APBB2: variants seen among roughly 807,000 people sequenced by gnomAD.
The protein encoded by APBB2 is Fe65-like 1.
Under a neutral mutation model 82.5 loss-of-function variants are expected in APBB2, and 38 were observed. The ratio of observed to expected loss-of-function variants is 0.46; its 90% CI spans 0.36 to 0.60. The LOEUF is 0.60. APBB2 is among the 20% of genes least tolerant of loss of function. The pLI, the probability that APBB2 is intolerant of heterozygous loss-of-function variation, is 0.00. For synonymous variants in APBB2, 341 were observed against 368.2 expected (o/e 0.93, Z 0.85); for missense variants, 772 against 972.3 (o/e 0.79, Z 2.74).
chr4:41,132,243 A>T (rs1756234548), intron 2 of APBB2, among the ~76,000 whole-genome samples: 1 of 152,136 alleles, frequency 6.6e-6, no homozygotes, highest in African/African-American at 2.4e-5. Flanking sequence ...GTCATAGAAA[A>T]ATGAACACAA....
chr4:40,891,618 G>C (rs780472623), intron 11 of APBB2, among the ~76,000 whole-genome samples: 2 of 152,216 alleles, frequency 1.3e-5, no homozygotes, highest in Non-Finnish European at 2.9e-5. Context: ...CAGTGCCTCT[G>C]TCAGACAGCG....
chr4:41,121,893 TTG>T (rs375623687), intron 2 of APBB2, among the ~76,000 whole-genome samples: 9 of 150,278 alleles, frequency 6.0e-5, no homozygotes, highest in East Asian at 2.0e-4. Flanking sequence ...CCTTTTTTGG[TTG>T]TGTGTGTGTG....
At chr4:40,993,366 T>C (rs1174711213) in intron 6 of APBB2, among the ~76,000 whole-genome samples, 2 of 149,778 alleles carry the variant, frequency 1.3e-5, no homozygotes, top group Non-Finnish European at 1.5e-5. Flanking sequence ...TCTCTCTTTT[T>C]TTTTTTTTTT....
chr4:41,066,140 A>C (rs1367555884), intron 3 of APBB2, among the ~76,000 whole-genome samples: 4 of 110,488 alleles, frequency 3.6e-5, no homozygotes, highest in African/African-American at 6.2e-5. Flanking sequence ...TGATTGGAAA[A>C]AAAAAAAAAC....
intron 6 of APBB2, among the ~76,000 whole-genome samples, chr4:40,960,138 T>G (rs1420984259): frequency 7.2e-5 from 11 of 152,044 alleles, no homozygotes; most frequent in Non-Finnish European, 8.8e-5. Context: ...AAAAAAGGAT[T>G]TTAGACTATG....
chr4:40,997,148 G>A (rs1272820167), intron 6 of APBB2, among the ~76,000 whole-genome samples: 1 of 152,066 alleles, frequency 6.6e-6, no homozygotes, highest in Non-Finnish European at 1.5e-5. Context: ...TTTCCCACAT[G>A]TGGTTACATT....
chr4:41,093,708 G>C (rs993720518), intron 3 of APBB2, among the ~76,000 whole-genome samples: 1 of 152,188 alleles, frequency 6.6e-6, no homozygotes, highest in African/African-American at 2.4e-5. Flanking sequence ...TACAAAATTA[G>C]CTGGGCGTGG....
chr4:41,076,549 CT>C (rs1457060640), intron 3 of APBB2, among the ~76,000 whole-genome samples: 3 of 152,204 alleles, frequency 2.0e-5, no homozygotes, highest in Admixed American at 6.5e-5. Flanking sequence ...GTACTGGAGA[CT>C]TTTCTGGAGA....
intron 6 of APBB2, among the ~76,000 whole-genome samples, chr4:41,012,698 TTATATC>T (rs1428771766): frequency 2.0e-5 from 3 of 152,354 alleles, no homozygotes; most frequent in Admixed American, 6.5e-5. Context: ...ATTTTCTTTG[TTATATC>T]TATATTAACA....
intron 4 of APBB2, among the ~76,000 whole-genome samples, chr4:41,045,759 T>C (rs1723167837): frequency 6.6e-6 from 1 of 152,226 alleles, no homozygotes; most frequent in Non-Finnish European, 1.5e-5. Context: ...TTTAATGTCT[T>C]TCTCTCGCTC....
intron 4 of APBB2, among the ~76,000 whole-genome samples, chr4:41,041,038 A>G (rs569503108): frequency 4.4e-4 from 67 of 151,806 alleles, no homozygotes; most frequent in Middle Eastern, 6.8e-3. Context: ...CCACCACCAC[A>G]CCCGGCTGAT....
chr4:41,113,036 A>C (rs1749765159), intron 2 of APBB2, among the ~76,000 whole-genome samples: 2 of 152,156 alleles, frequency 1.3e-5, no homozygotes, highest in Non-Finnish European at 2.9e-5. Context: ...GACATACCAG[A>C]TATTCAGCTC....
chr4:41,094,915 G>A (rs1041439238), intron 3 of APBB2, among the ~76,000 whole-genome samples: 5 of 152,148 alleles, frequency 3.3e-5, no homozygotes, highest in Admixed American at 2.0e-4. Flanking sequence ...TATTAAGCAA[G>A]GTGCTACGAA....
chr4:41,137,946 A>G (rs2154015417), intron 2 of APBB2: 1 of 152,324 alleles, frequency 6.6e-6, no homozygotes, highest in East Asian at 1.9e-4. Context: ...AGGCAGGTGG[A>G]TCATGAGGTC....
chr4:41,056,217 A>G (rs944718386), intron 4 of APBB2, among the ~76,000 whole-genome samples: 7 of 152,144 alleles, frequency 4.6e-5, no homozygotes, highest in African/African-American at 1.7e-4. Context: ...AAAAAATAAA[A>G]TAAGTAAAAT....
intron 1 of APBB2, among the ~76,000 whole-genome samples, chr4:41,151,832 T>C (rs1467624032): frequency 4.6e-5 from 7 of 152,004 alleles, no homozygotes; most frequent in Non-Finnish European, 1.0e-4. Context: ...TTTTTATTTA[T>C]ATGTTGTGCT....
chr4:41,013,673 G>T lies in APBB2; in HGVS notation c.745C>A (p.Arg249=), dbSNP rs768003818. ...TCGCTCGGTGCCAGGTTCTGGATCC[G>T]GTGCAGTGCACAGTCGGTTTTGGCC... ...TGAKTDCALH[R]IQNLAPSDEE... The change falls in exon 6 of 18, where the codon CGG becomes AGG. Residue 249 remains arginine (R), a synonymous_variant. Coordinates refer to ENST00000508593, the MANE Select transcript of APBB2 (RefSeq NM_004307.2). The T allele has an allele frequency of 1.9e-6, 3 of 1,614,172 alleles. No individual in the cohort carries two copies. Among genetic ancestry groups the T allele is most frequent in the Non-Finnish European group, 2.5e-6 (3 of 1,180,036 alleles).
At chr4:41,005,017 A>G (rs190233872) in intron 6 of APBB2, among the ~76,000 whole-genome samples, 217 of 152,284 alleles carry the variant, frequency 1.4e-3, no homozygotes, top group African/African-American at 4.9e-3. Context: ...ATGCATTTCA[A>G]TTCCCCATGG....
rs1758854747 is a variant in APBB2, at chr4:41,140,653, G to A, written c.-261+2334C>T. On this transcript the variant is annotated intron_variant, in intron 2 of 17. Coordinates refer to ENST00000508593, the MANE Select transcript of APBB2 (RefSeq NM_004307.2). ...CAGGCTGCATAGCAGGAGGTGAGCA[G>A]TGGGCTAATGAGCACAGCTTCATTT... 3.9e-5 allele frequency among the ~76,000 whole-genome samples: 6 copies of A among 152,348 alleles called. No homozygotes were observed. The South Asian group carries it at 1.2e-3, about 32-fold the overall frequency.
Sources: gnomAD v4.1 joint callset for allele counts (sites outside exome capture counted in the v4.1 genomes callset) on GRCh38, gnomAD v4.1.1 for gene constraint, MANE v1.5 for transcripts, NCBI Gene and HGNC (gene_info 2026-07-23, HGNC 2026-07-21) for gene names.